MYH15: variants seen among roughly 807,000 people sequenced by gnomAD.
The protein encoded by MYH15 is myosin-15.
MYH15 carries 227 observed loss-of-function variants against 240.5 expected under a neutral mutation model. The ratio of observed to expected loss-of-function variants is 0.94; its 90% CI spans 0.85 to 1.05. The LOEUF (loss-of-function observed/expected upper bound fraction) is 1.05. Ranked by LOEUF, MYH15 falls within the 50% of genes least tolerant of loss-of-function variation. The pLI, the probability that MYH15 is intolerant of heterozygous loss-of-function variation, is 0.00. For missense variants in MYH15, 2,217 were observed against 2,247.5 expected (o/e 0.99, Z 0.27); for synonymous variants, 785 against 796.7 (o/e 0.99, Z 0.25).
intron 33 of MYH15, among the ~76,000 whole-genome samples, chr3:108,401,089 C>G (rs1173993544): frequency 6.6e-6 from 1 of 152,160 alleles, no homozygotes; most frequent in Non-Finnish European, 1.5e-5. Context: ...TGTCCAGCTT[C>G]CAGATCAGAA....
intron 22 of MYH15, among the ~76,000 whole-genome samples, chr3:108,444,406 T>C (rs1160182718): frequency 6.6e-6 from 1 of 152,156 alleles, no homozygotes; most frequent in Non-Finnish European, 1.5e-5. Flanking sequence ...TGTGCTATTA[T>C]ACAGTAAAAA....
At chr3:108,461,159 G>C (rs942219018) in intron 16 of MYH15, among the ~76,000 whole-genome samples, 1 of 152,166 alleles carries the variant, frequency 6.6e-6, no homozygotes, top group Non-Finnish European at 1.5e-5. Flanking sequence ...GAATAGGGTA[G>C]CTGTCAATAT....
In MYH15 at chr3:108,408,278, A is replaced by G; in HGVS notation, c.4620+2T>C. 6.2e-7 allele frequency: 1 copy of G among 1,608,862 alleles called. No individual in the cohort carries two copies. The highest frequency in any genetic ancestry group is 8.5e-7 in the Non-Finnish European group (1 of 1,178,698). ...ACTTTCTTTTCTCCCTGGTGATAAT[A>G]CCTCTGTTTCTTCCAGTGTCACCTG... On this transcript the variant is annotated splice_donor_variant, in intron 32 of 40. Transcript: ENST00000693548. LOFTEE classifies it high-confidence loss of function.
At chr3:108,386,111 A>ATATG (rs1185238605) in intron 38 of MYH15, among the ~76,000 whole-genome samples, 1 of 152,252 alleles carries the variant, frequency 6.6e-6, no homozygotes, top group East Asian at 1.9e-4. Context: ...AAAGACTCAT[A>ATATG]GCATTATGTG....
chr3:108,418,199 G>A (rs1218456678), intron 28 of MYH15, among the ~76,000 whole-genome samples: 2 of 152,124 alleles, frequency 1.3e-5, no homozygotes, highest in Non-Finnish European at 2.9e-5. Flanking sequence ...AAAACTACTA[G>A]CTCAGCTCAG....
At position 108,485,241 on chromosome 3, in the gene MYH15, GAA is replaced by G. The variant is rs1302848187; in HGVS notation, c.976-14_976-13del. The G allele has an allele frequency of 6.2e-7, 1 of 1,613,518 alleles. No homozygotes were observed. The highest frequency in any genetic ancestry group is 1.7e-5 in the Admixed American group (1 of 59,942). ...ATGTCCATGGCTTGCTGTAAAAAGA[GAA>G]ACAGATGGCCCTGTCTTCATTTGCT... On this transcript the variant is annotated splice_polypyrimidine_tract_variant and intron_variant, in intron 10 of 40. Coordinates refer to ENST00000693548, the MANE Select transcript of MYH15 (RefSeq NM_014981.3).
At chr3:108,412,796 A>G (rs144370899) in intron 30 of MYH15, among the ~76,000 whole-genome samples, 14 of 152,346 alleles carry the variant, frequency 9.2e-5, no homozygotes, top group Admixed American at 2.6e-4. Flanking sequence ...TTTGAACCCC[A>G]GCCTGGAAAT....
chr3:108,499,901 G>A (rs1219326276), intron 4 of MYH15, among the ~76,000 whole-genome samples: 1 of 152,168 alleles, frequency 6.6e-6, no homozygotes, highest in Non-Finnish European at 1.5e-5. Context: ...CACTTTAAAT[G>A]CATTATCTCA....
At position 108,521,644 on chromosome 3, in the gene MYH15, T is replaced by G. The variant is rs538225653; in HGVS notation, c.-58+7619A>C. 3.9e-5 allele frequency among the ~76,000 whole-genome samples: 6 copies of G among 152,300 alleles called. No individual in the cohort carries two copies. The South Asian group carries it at 1.2e-3, about 32-fold the overall frequency. ...TATACCCAATCAATTTTTACCAAAA[T>G]GAATCAATATGGCAGTCTAATTGAG... On this transcript the variant is annotated intron_variant, in intron 1 of 41. Coordinates refer to the MYH15 transcript ENST00000273353.
chr3:108,389,567 G>A (rs1038503166), intron 37 of MYH15, among the ~76,000 whole-genome samples: 2 of 152,130 alleles, frequency 1.3e-5, no homozygotes, highest in South Asian at 4.1e-4. Context: ...ACACAAATGA[G>A]CTTAACATTC....
chr3:108,544,103 G>C, the MYH15 span, among the ~76,000 whole-genome samples: 1 of 152,188 alleles, frequency 6.6e-6, no homozygotes, highest in African/African-American at 2.4e-5. Context: ...TCTAAAAGAA[G>C]CCACTGATTT....
Position 108,456,878 on chromosome 3 carries a change from G to A in MYH15, c.2026C>T (p.Leu676=). 1 of 1,603,432 alleles carries A rather than the reference G, an allele frequency of 6.2e-7. No individual in the cohort carries two copies. The highest frequency in any genetic ancestry group is 1.1e-5 in the South Asian group (1 of 90,076). ...NPNVNKIPGI[L]DPYLVLQQLR... ...TGCTGTAGAACCAAGTAAGGGTCCA[G>A]TATACCTGGAAAAAAAAAAGAGTCA... is the stretch of plus-strand genomic sequence containing the variant. Residue 676 remains leucine, a synonymous_variant, in exon 19 of 41, where the codon CTG becomes TTG. Transcript: ENST00000693548.
At chr3:108,485,712 C>T (rs1417605569) in intron 10 of MYH15, among the ~76,000 whole-genome samples, 1 of 152,190 alleles carries the variant, frequency 6.6e-6, no homozygotes, top group East Asian at 1.9e-4. Context: ...ATCCACTGCA[C>T]AAGGTGTGCA....
chr3:108,385,027 A>T (rs1344953761), intron 38 of MYH15, among the ~76,000 whole-genome samples: 9 of 152,190 alleles, frequency 5.9e-5, no homozygotes, highest in Non-Finnish European at 1.2e-4. Flanking sequence ...CATTAGGTTC[A>T]GTTTGGGTCT....
Position 108,501,745 on chromosome 3 carries a change from G to A in MYH15, c.306C>T (p.Thr102=). The stretch of plus-strand genomic sequence containing the variant: ...TCCACTGGCCATAGCGCCGCTTCAG[G>A]GTATGCAGCACGGATGCCTCATTGA... ...THLNEASVLH[T]LKRRYGQWMI... Residue 102 remains threonine (T), a synonymous_variant, in exon 3 of 41, where the codon ACC becomes ACT. Coordinates refer to ENST00000693548, the MANE Select transcript of MYH15 (RefSeq NM_014981.3). The A allele has an allele frequency of 6.2e-7, 1 of 1,614,016 alleles. No individual in the cohort carries two copies.
At position 108,439,790 on chromosome 3, in the gene MYH15, T is replaced by G; in HGVS notation, c.3022A>C (p.Lys1008Gln). The G allele has an allele frequency of 6.2e-7, 1 of 1,612,786 alleles. No homozygotes were observed. The highest frequency in any genetic ancestry group is 1.1e-5 in the South Asian group (1 of 90,824). ...TLDDLHMEEEKLSSLSKANLK... is the reference protein window; with the variant it reads ...TLDDLHMEEEQLSSLSKANLK... ...TTTGCTTTGCTCAGGCTGCTGAGCT[T>G]CTCCTCCTCCATGTGCAGGTCATCC... is the stretch of plus-strand genomic sequence containing the variant. The change falls in exon 24 of 41, where the codon AAG becomes CAG. Residue 1008 changes from lysine to glutamine, a missense_variant. Physicochemically the swap from Lys to Gln is moderately conservative, Grantham distance 53. Coordinates refer to ENST00000693548, the MANE Select transcript of MYH15 (RefSeq NM_014981.3).
intron 28 of MYH15, among the ~76,000 whole-genome samples, chr3:108,418,673 C>T (rs2107553260): frequency 6.6e-6 from 1 of 151,910 alleles, no homozygotes; most frequent in Non-Finnish European, 1.5e-5. Flanking sequence ...CTCTTGTTGC[C>T]CAGGCTGGAG....
At chr3:108,431,110 T>G (rs1010655522) in intron 25 of MYH15, among the ~76,000 whole-genome samples, 188 bp from the exon 26 acceptor site, 1 of 152,202 alleles carries the variant, frequency 6.6e-6, no homozygotes. Flanking sequence ...TCCAAAAATA[T>G]GTACAATTAT....
chr3:108,530,533 G>C (rs1048087785), upstream of MYH15, among the ~76,000 whole-genome samples: 4 of 152,258 alleles, frequency 2.6e-5, no homozygotes, highest in South Asian at 8.3e-4. Flanking sequence ...CAGACCCATA[G>C]GATGTACAAT....
Sources: allele counts gnomAD v4.1 joint callset (sites outside exome capture counted in the v4.1 genomes callset), GRCh38; gene constraint gnomAD v4.1.1; transcripts MANE v1.5; gene names NCBI Gene and HGNC (gene_info 2026-07-23, HGNC 2026-07-21).